Variants in DIP2C observed in about 807,000 individuals in gnomAD.
DIP2C encodes the protein disco-interacting protein 2 homolog C.
Under a neutral mutation model 192.4 loss-of-function variants are expected in DIP2C, and 33 were observed. The ratio of observed to expected loss-of-function variants is 0.17; its 90% CI spans 0.13 to 0.23. The LOEUF (loss-of-function observed/expected upper bound fraction) is 0.23. Among genes scored for constraint, DIP2C ranks in the 10% least tolerant of loss-of-function variants. DIP2C has a pLI of 1.00. For missense variants in DIP2C, 1,537 were observed against 2,110.1 expected, an observed-to-expected ratio of 0.73 and a Z score of 5.32; for synonymous variants, 979 against 864.1, an observed-to-expected ratio of 1.13 and a Z score of -2.33.
At chr10:584,932 G>A (rs536578831) in intron 1 of DIP2C, among the ~76,000 whole-genome samples, 9 of 119,542 alleles carry the variant, frequency 7.5e-5, no homozygotes, top group Non-Finnish European at 1.3e-4. Flanking sequence ...CCCCACTCAC[G>A]CGCATCACCT....
At chr10:598,660 T>C (rs1851867797) in intron 1 of DIP2C, among the ~76,000 whole-genome samples, 1 of 150,960 alleles carries the variant, frequency 6.6e-6, no homozygotes, top group Non-Finnish European at 1.5e-5. Context: ...ATTCCCCAAA[T>C]ACAAAGCAAT....
At chr10:409,196 GA>G (rs1344847515) in intron 8 of DIP2C, among the ~76,000 whole-genome samples, 179 bp from the exon 9 acceptor site, 7 of 151,974 alleles carry the variant, frequency 4.6e-5, no homozygotes, top group African/African-American at 1.7e-4. Flanking sequence ...GAAAATGAGT[GA>G]AAGTAGAAAA....
At chr10:369,406 G>A (rs931886039) in intron 18 of DIP2C, 88 bp downstream of exon 18, 110 of 1,449,596 alleles carry the variant, frequency 7.6e-5, no homozygotes, top group Non-Finnish European at 8.8e-5. Context: ...ACGGGAACGC[G>A]GGAACGTGGG....
At chr10:601,330 T>C (rs555028355) in intron 1 of DIP2C, among the ~76,000 whole-genome samples, 250 of 147,270 alleles carry the variant, frequency 1.7e-3, no homozygotes, top group Non-Finnish European at 2.8e-3. Flanking sequence ...ACTACATCCA[T>C]GCTTCAAAAA....
At chr10:446,279 C>T (rs1013650661) in intron 3 of DIP2C, among the ~76,000 whole-genome samples, 2 of 152,112 alleles carry the variant, frequency 1.3e-5, no homozygotes, top group Non-Finnish European at 2.9e-5. Context: ...TCTCACGGTC[C>T]ACTGGGCATC....
At chr10:639,312 C>G (rs1413097039) in intron 1 of DIP2C, among the ~76,000 whole-genome samples, 1 of 145,708 alleles carries the variant, frequency 6.9e-6, no homozygotes, top group African/African-American at 2.6e-5. Context: ...GGGTGCTGCC[C>G]GGCTCACGGT....
At chr10:320,907 A>G (rs1172161584) in intron 31 of DIP2C, among the ~76,000 whole-genome samples, 1 of 152,240 alleles carries the variant, frequency 6.6e-6, no homozygotes, top group East Asian at 1.9e-4. Context: ...GAGGAAAGAG[A>G]GCACCGCAGC....
chr10:320,369 G>A (rs1956951894), intron 31 of DIP2C, among the ~76,000 whole-genome samples: 1 of 151,986 alleles, frequency 6.6e-6, no homozygotes, highest in South Asian at 2.1e-4. Flanking sequence ...TTAGCTCGGC[G>A]AGGTGGCAGG....
At chr10:596,718 G>C (rs762334122) in intron 1 of DIP2C, among the ~76,000 whole-genome samples, 25 of 152,074 alleles carry the variant, frequency 1.6e-4, no homozygotes, top group Non-Finnish European at 2.9e-4. Context: ...GATGCTGCGG[G>C]AAGTGGAACT....
At chr10:578,850 C>T (rs542613556) in intron 1 of DIP2C, among the ~76,000 whole-genome samples, 19 of 152,108 alleles carry the variant, frequency 1.2e-4, no homozygotes, top group East Asian at 1.9e-4. Flanking sequence ...ATATAGTGTA[C>T]GTACATAGGT....
chr10:552,986 C>T (rs920286060), intron 1 of DIP2C, among the ~76,000 whole-genome samples: 7 of 152,224 alleles, frequency 4.6e-5, no homozygotes, highest in African/African-American at 1.7e-4. Context: ...GATCAGCCAC[C>T]CTAGGGAAGA....
intron 1 of DIP2C, among the ~76,000 whole-genome samples, chr10:498,961 T>TGCACC (rs1845043198): frequency 1.3e-5 from 2 of 152,258 alleles, no homozygotes; most frequent in Admixed American, 1.3e-4. Flanking sequence ...AACGCTGCTC[T>TGCACC]GCACCGCACA....
chr10:612,367 A>G (rs1588601641), intron 1 of DIP2C, among the ~76,000 whole-genome samples: 2 of 152,306 alleles, frequency 1.3e-5, no homozygotes, highest in East Asian at 3.9e-4. Flanking sequence ...GAAAAATAAT[A>G]TGAAAGCATG....
chr10:671,772 G>C (rs1208032749), intron 1 of DIP2C, among the ~76,000 whole-genome samples: 1 of 90,766 alleles, frequency 1.1e-5, no homozygotes, highest in African/African-American at 4.4e-5. Context: ...CGGAGGAAAC[G>C]CCACAGACGC....
intron 29 of DIP2C, chr10:340,722 G>A (rs1405626727): frequency 4.4e-6 from 2 of 456,322 alleles, no homozygotes; most frequent in Non-Finnish European, 8.8e-6. Context: ...CAGGCTCCGA[G>A]CCGGCTGCTG....
At chr10:436,249 T>C (rs1322609142) in intron 4 of DIP2C, among the ~76,000 whole-genome samples, 1 of 152,232 alleles carries the variant, frequency 6.6e-6, no homozygotes, top group Admixed American at 6.5e-5. Flanking sequence ...CAGTGATTGT[T>C]TGCTTAATAT....
chr10:376,910 T>C (rs1353680206), intron 17 of DIP2C, among the ~76,000 whole-genome samples: 1 of 152,180 alleles, frequency 6.6e-6, no homozygotes, highest in Non-Finnish European at 1.5e-5. Flanking sequence ...ATGTTTAGCG[T>C]GACACAGACT....
chr10:604,408 A>C (rs1001689789), intron 1 of DIP2C, among the ~76,000 whole-genome samples: 2 of 152,210 alleles, frequency 1.3e-5, no homozygotes, highest in Non-Finnish European at 2.9e-5. Flanking sequence ...CCCTAGATGG[A>C]GGGATGAACA....
intron 1 of DIP2C, among the ~76,000 whole-genome samples, chr10:621,993 G>A (rs1853880203): frequency 2.6e-5 from 4 of 151,620 alleles, no homozygotes; most frequent in African/African-American, 9.7e-5. Flanking sequence ...GCTCTACCGT[G>A]TGTCTTAGTT....
Sources: allele counts gnomAD v4.1 joint callset (sites outside exome capture counted in the v4.1 genomes callset), GRCh38; gene constraint gnomAD v4.1.1; transcripts MANE v1.5; gene names NCBI Gene and HGNC (gene_info 2026-07-23, HGNC 2026-07-21).